NXNL2: variants seen among roughly 807,000 people sequenced by gnomAD.
The protein encoded by NXNL2 is nucleoredoxin like 2, also known as nucleoredoxin-like protein 2.
A neutral mutation model predicts 11.1 loss-of-function variants in NXNL2; 7 were observed. That is an observed-to-expected ratio of 0.63 (90% CI 0.36 to 1.18). The LOEUF is 1.18. Among genes scored for constraint, NXNL2 ranks in the 50% most tolerant of loss-of-function variants. The pLI is 0.02. For missense variants in NXNL2, 233 were observed against 217.7 expected, an observed-to-expected ratio of 1.07 and a Z score of -0.44; for synonymous variants, 109 against 101.8, an observed-to-expected ratio of 1.07 and a Z score of -0.42.
intron 1 of NXNL2, 130 bp downstream of exon 1, chr9:88,535,866 G>C (rs1385360094): frequency 5.7e-6 from 4 of 701,370 alleles, no homozygotes; most frequent in Non-Finnish European, 9.1e-6. Context: ...CTCGGTTCAC[G>C]TCCGGACTCC....
intron 1 of NXNL2, among the ~76,000 whole-genome samples, chr9:88,560,554 C>T (rs1262467731): frequency 6.6e-6 from 1 of 151,916 alleles, no homozygotes; most frequent in Non-Finnish European, 1.5e-5. Context: ...GCACTACCTG[C>T]GACAAACAGA....
chr9:88,559,808 C>T (rs932799770), intron 1 of NXNL2, among the ~76,000 whole-genome samples: 9 of 152,046 alleles, frequency 5.9e-5, no homozygotes, highest in East Asian at 3.9e-4. Context: ...CAGGACCGGC[C>T]GGTGCCCTTT....
At chr9:88,568,423 G>A (rs1244631114) in intron 1 of NXNL2, among the ~76,000 whole-genome samples, 2 of 152,126 alleles carry the variant, frequency 1.3e-5, no homozygotes, top group African/African-American at 4.8e-5. Flanking sequence ...CATGGACCCA[G>A]CTCCGCACTG....
chr9:88,556,346 T>C (rs568206149), intron 1 of NXNL2, among the ~76,000 whole-genome samples: 1 of 152,254 alleles, frequency 6.6e-6, no homozygotes, highest in South Asian at 2.1e-4. Context: ...TGGGTTCTTG[T>C]CCAAGAAGAA....
At chr9:88,566,801 G>A (rs1019813403) in intron 1 of NXNL2, among the ~76,000 whole-genome samples, 3 of 152,030 alleles carry the variant, frequency 2.0e-5, no homozygotes, top group Non-Finnish European at 4.4e-5. Context: ...CAGTGTTCAA[G>A]TCTTTCATCT....
rs879837586 is a variant in NXNL2, at chr9:88,566,907, CA to C, written c.303-4179del. 8.2e-4 allele frequency among the ~76,000 whole-genome samples: 125 copies of C among 151,950 alleles called. 1 individual carries two copies. The highest frequency in any genetic ancestry group is 4.3e-3 in the Admixed American group (65 of 15,248). Reference sequence around the variant, plus strand: ...TCTATCTAGCCTATTATCTATCTATCATCTATCTATCTATCTATCTAATCTA... The same window carrying C: ...TCTATCTAGCCTATTATCTATCTATCTCTATCTATCTATCTATCTAATCTA... On this transcript the variant is annotated intron_variant, in intron 1 of 2. Transcript: ENST00000375855.
chr9:88,577,922 C>T (rs1830365892), downstream of NXNL2, among the ~76,000 whole-genome samples: 1 of 152,178 alleles, frequency 6.6e-6, no homozygotes, highest in Non-Finnish European at 1.5e-5. Flanking sequence ...GCAGCAAGAG[C>T]AGTGTCCTGC....
chr9:88,571,659 G>A (rs564509449), intron 2 of NXNL2, among the ~76,000 whole-genome samples: 1 of 152,168 alleles, frequency 6.6e-6, no homozygotes, highest in Non-Finnish European at 1.5e-5. Flanking sequence ...AGCAAGGGTT[G>A]AATTAAACTA....
chr9:88,536,472 T>C (rs1829622622), intron 1 of NXNL2, among the ~76,000 whole-genome samples: 1 of 149,652 alleles, frequency 6.7e-6, no homozygotes. Flanking sequence ...TTGGGGTGGG[T>C]CTCCTGTGGT....
downstream of NXNL2, among the ~76,000 whole-genome samples, chr9:88,548,857 G>T (rs1267851664): frequency 1.3e-5 from 2 of 152,080 alleles, no homozygotes; most frequent in East Asian, 1.9e-4. Context: ...AGGTGATTAG[G>T]TCAGGAGGGT....
At chr9:88,578,771 A>T (rs571778017), downstream of NXNL2, among the ~76,000 whole-genome samples, 1 of 152,346 alleles carries the variant, frequency 6.6e-6, no homozygotes, top group East Asian at 1.9e-4. Context: ...CTCAGCCTCG[A>T]CTGGGGCTCA....
chr9:88,554,741 G>C (rs747708630), intron 1 of NXNL2, among the ~76,000 whole-genome samples: 10 of 152,146 alleles, frequency 6.6e-5, no homozygotes, highest in Non-Finnish European at 1.3e-4. Context: ...GCAGGTTACC[G>C]TCTCGTTTAC....
At chr9:88,581,121 G>A (rs1180832148) in intron 1 of NXNL2, among the ~76,000 whole-genome samples, 1 of 152,184 alleles carries the variant, frequency 6.6e-6, no homozygotes, top group East Asian at 1.9e-4. Flanking sequence ...TTTTCCCTAT[G>A]TAATTAATCT....
At position 88,535,369 on chromosome 9, in the gene NXNL2, G is replaced by A; in HGVS notation, c.-66G>A. Reference sequence around the variant, plus strand: ...GCGGGGCACCGCGGCGCTCGCCGCCGCCTCCCCGCAGGTGATCATCCTCCT... The same window carrying A: ...GCGGGGCACCGCGGCGCTCGCCGCCACCTCCCCGCAGGTGATCATCCTCCT... On this transcript the variant is annotated 5_prime_UTR_variant, in exon 1 of 2. Transcript: ENST00000375854. 1.4e-6 allele frequency: 2 copies of A among 1,440,770 alleles called. No individual in the cohort carries two copies. Among genetic ancestry groups the A allele is most frequent in the Non-Finnish European group, 1.8e-6 (2 of 1,095,196 alleles). The allele number at this position is 1,440,770 out of a possible 1,614,324, so 89.2% of individuals were successfully genotyped here. A position where few individuals can be genotyped will look rare whatever the true frequency, so the allele number is the denominator to read the frequency against.
chr9:88,536,890 G>T (rs992711594), intron 1 of NXNL2, among the ~76,000 whole-genome samples: 1 of 152,220 alleles, frequency 6.6e-6, no homozygotes, highest in African/African-American at 2.4e-5. Context: ...TCCAAGATGG[G>T]TGGTTCACTT....
intron 1 of NXNL2, among the ~76,000 whole-genome samples, chr9:88,569,080 C>A (rs1278829254): frequency 1.3e-5 from 2 of 152,122 alleles, no homozygotes; most frequent in Non-Finnish European, 2.9e-5. Flanking sequence ...GCATGCACCG[C>A]CACACCAGGA....
chr9:88,544,803 G>T lies in NXNL2; in HGVS notation c.*256G>T. ...CTTTATCCACCTGTGCTTAAGGAAG[G>T]ATCCTCATATGTTCATACTGAGCTG... On this transcript the variant is annotated 3_prime_UTR_variant, in exon 2 of 2. Coordinates refer to ENST00000375854, the MANE Select transcript of NXNL2 (RefSeq NM_001161625.2). The T allele has an allele frequency of 1.7e-6, 2 of 1,194,960 alleles. No homozygotes were observed. The highest frequency in any genetic ancestry group is 2.1e-6 in the Non-Finnish European group (2 of 963,732). 74.0% of individuals were successfully genotyped at this position (1,194,960 alleles called of 1,614,324 possible). A position where few individuals can be genotyped will look rare whatever the true frequency, so the allele number is the denominator to read the frequency against.
chr9:88,535,544 G>A lies in NXNL2; in HGVS notation c.110G>A (p.Arg37Gln), dbSNP rs552511442. The part of the protein sequence containing the change: ...KVVALYFAAA[R>Q]CAPSRDFTPL... ...GTGGCACTGTACTTCGCGGCGGCCC[G>A]GTGCGCGCCGAGCCGCGACTTCACG... The change falls in exon 1 of 2, where the codon CGG becomes CAG. Residue 37 changes from arginine (R) to glutamine (Q), a missense_variant. Physicochemically the swap from Arg to Gln is conservative, Grantham distance 43. Transcript: ENST00000375854. 1.2e-6 allele frequency: 2 copies of A among 1,605,560 alleles called. No homozygotes were observed. Among genetic ancestry groups the A allele is most frequent in the Admixed American group, 1.7e-5 (1 of 59,136 alleles).
At chr9:88,553,032 T>G (rs1316298933) in intron 1 of NXNL2, among the ~76,000 whole-genome samples, 5 of 152,194 alleles carry the variant, frequency 3.3e-5, no homozygotes, top group Non-Finnish European at 2.9e-5. Flanking sequence ...CCACTCCACA[T>G]GAAAAACCCA....
Sources: allele counts gnomAD v4.1 joint callset (sites outside exome capture counted in the v4.1 genomes callset), GRCh38; gene constraint gnomAD v4.1.1; transcripts MANE v1.5; gene names NCBI Gene and HGNC (gene_info 2026-07-23, HGNC 2026-07-21).